GPC5: variants seen among roughly 807,000 people sequenced by gnomAD.
GPC5 encodes glypican 5, also known as glypican-5.
In GPC5, 47 loss-of-function variants were observed where a neutral mutation model predicts 53.9. The observed-to-expected ratio is 0.87, with a 90% CI of 0.69 to 1.11. The LOEUF (loss-of-function observed/expected upper bound fraction) is 1.11, where lower values mean the gene tolerates loss of function less well. GPC5 is among the 50% of genes most tolerant of loss of function. GPC5 has a pLI of 0.00. For missense variants in GPC5, 748 were observed against 713.1 expected (o/e 1.05, Z -0.56); for synonymous variants, 286 against 263.3 (o/e 1.09, Z -0.84).
chr13:92,696,608 G>A (rs1416217080), intron 7 of GPC5, among the ~76,000 whole-genome samples: 1 of 152,126 alleles, frequency 6.6e-6, no homozygotes, highest in Non-Finnish European at 1.5e-5. Flanking sequence ...CCCTTTGTCA[G>A]TTGGATAGAT....
chr13:91,856,910 A>G (rs899338422), intron 5 of GPC5, among the ~76,000 whole-genome samples: 5 of 150,792 alleles, frequency 3.3e-5, no homozygotes, highest in Non-Finnish European at 7.4e-5. Flanking sequence ...ACCTAAATTT[A>G]TTGTATACCT....
intron 7 of GPC5, among the ~76,000 whole-genome samples, chr13:92,829,961 C>T (rs980530787): frequency 6.6e-6 from 1 of 152,034 alleles, no homozygotes; most frequent in African/African-American, 2.4e-5. Flanking sequence ...TTGCAAGTTA[C>T]CATTTTTGGG....
intron 2 of GPC5, among the ~76,000 whole-genome samples, chr13:91,671,397 A>G (rs2035239334): frequency 6.6e-6 from 1 of 152,090 alleles, no homozygotes; most frequent in South Asian, 2.1e-4. Context: ...GGTGTAAAGG[A>G]ATGCTTGTGA....
At chr13:92,090,917 A>C (rs562068603) in intron 6 of GPC5, among the ~76,000 whole-genome samples, 16 of 152,202 alleles carry the variant, frequency 1.1e-4, no homozygotes, top group Non-Finnish European at 1.8e-4. Context: ...TAGTGTTCTT[A>C]TAGGAAAAGA....
At chr13:92,281,177 C>G (rs2042912543) in intron 7 of GPC5, among the ~76,000 whole-genome samples, 1 of 152,176 alleles carries the variant, frequency 6.6e-6, no homozygotes, top group Non-Finnish European at 1.5e-5. Flanking sequence ...GATGGAACTA[C>G]AAGGCGTCAG....
chr13:91,980,287 C>T (rs2040345403), intron 6 of GPC5, among the ~76,000 whole-genome samples: 1 of 152,140 alleles, frequency 6.6e-6, no homozygotes, highest in Admixed American at 6.5e-5. Context: ...CTGGAAAAGA[C>T]ACATGACATC....
At chr13:91,959,572 C>T (rs2040107696) in intron 6 of GPC5, among the ~76,000 whole-genome samples, 1 of 151,988 alleles carries the variant, frequency 6.6e-6, no homozygotes, top group African/African-American at 2.4e-5. Context: ...GATACCAAAA[C>T]CAGCTTAGGA....
At position 91,572,048 on chromosome 13, in the gene GPC5, CATAT is replaced by C. The variant is rs779693400; in HGVS notation, c.326-121138_326-121135del. ...GTGTGTATATATGTGTATATACACA[CATAT>C]GTATATATACATGTATATACACACA... On this transcript the variant is annotated intron_variant, in intron 2 of 7. Coordinates refer to ENST00000377067, the MANE Select transcript of GPC5 (RefSeq NM_004466.6). Among the ~76,000 whole-genome samples, 14 of 118,670 alleles carry C rather than the reference CATAT, an allele frequency of 1.2e-4. No individual in the cohort carries two copies. In the East Asian group the frequency reaches 1.4e-3, roughly 12 times the overall value. The allele number at this position is 118,670 out of a possible 152,430, so 77.9% of individuals were successfully genotyped here. A position where few individuals can be genotyped will look rare whatever the true frequency, so the allele number is the denominator to read the frequency against.
intron 7 of GPC5, among the ~76,000 whole-genome samples, chr13:92,536,121 T>A (rs1288896276): frequency 6.6e-6 from 1 of 152,142 alleles, no homozygotes; most frequent in Non-Finnish European, 1.5e-5. Context: ...ATGTTCAAGG[T>A]TATTTAATGT....
At chr13:92,398,217 C>T (rs1178578997) in intron 7 of GPC5, among the ~76,000 whole-genome samples, 1 of 151,588 alleles carries the variant, frequency 6.6e-6, no homozygotes, top group African/African-American at 2.4e-5. Context: ...ATCACGAGGT[C>T]AGGAGATCGA....
At chr13:91,437,699 T>C (rs1880091840) in intron 1 of GPC5, among the ~76,000 whole-genome samples, 10 of 152,214 alleles carry the variant, frequency 6.6e-5, no homozygotes, top group Admixed American at 6.5e-4. Context: ...AATTTGAATG[T>C]TGGCCTGCAT....
chr13:91,485,437 C>T (rs971755189), intron 2 of GPC5, among the ~76,000 whole-genome samples: 26 of 152,084 alleles, frequency 1.7e-4, no homozygotes, highest in African/African-American at 5.8e-4. Context: ...AGGCTGGTCT[C>T]GAACTCCTGA....
intron 1 of GPC5, among the ~76,000 whole-genome samples, chr13:91,401,307 C>A (rs895881713): frequency 1.5e-4 from 23 of 150,654 alleles, no homozygotes; most frequent in Non-Finnish European, 2.8e-4. Context: ...AAAAAAAAAA[C>A]CCCTCAATCC....
chr13:92,245,030 T>A lies in GPC5; in HGVS notation c.1561+100041T>A, dbSNP rs562823995. 1.7e-3 allele frequency among the ~76,000 whole-genome samples: 183 copies of A among 105,804 alleles called. 2 individuals carry two copies. Among genetic ancestry groups the A allele is most frequent in the African/African-American group, 8.0e-3 (178 of 22,230 alleles). The allele number at this position is 105,804 out of a possible 152,430, so 69.4% of individuals were successfully genotyped here. The stretch of plus-strand genomic sequence containing the variant: ...TCCAGTCCTGGTGACAAAGCGAGAC[T>A]CCATCTGAAAAAAAAAAAAAAAAAC... On this transcript the variant is annotated intron_variant, in intron 7 of 7. Coordinates refer to ENST00000377067, the MANE Select transcript of GPC5 (RefSeq NM_004466.6).
chr13:91,733,661 T>C (rs1452868803), intron 4 of GPC5, among the ~76,000 whole-genome samples: 1 of 152,198 alleles, frequency 6.6e-6, no homozygotes, highest in Non-Finnish European at 1.5e-5. Context: ...ATGCTTGTGA[T>C]TTTTGCACAA....
intron 4 of GPC5, among the ~76,000 whole-genome samples, chr13:91,743,003 A>G (rs2036969254): frequency 6.6e-6 from 1 of 152,192 alleles, no homozygotes. Context: ...CCGAAGAGCT[A>G]GAAGCTTTTA....
chr13:92,734,827 C>T (rs930370123), intron 7 of GPC5, among the ~76,000 whole-genome samples: 1 of 151,906 alleles, frequency 6.6e-6, no homozygotes, highest in African/African-American at 2.4e-5. Context: ...TCGATTCCAA[C>T]ACAAATACTT....
chr13:92,805,595 C>T (rs1877066300), intron 7 of GPC5, among the ~76,000 whole-genome samples: 1 of 151,934 alleles, frequency 6.6e-6, no homozygotes, highest in Non-Finnish European at 1.5e-5. Context: ...CACCACCATG[C>T]CTGACTAAAT....
intron 7 of GPC5, among the ~76,000 whole-genome samples, chr13:92,373,729 C>G (rs772040127): frequency 6.6e-6 from 1 of 152,110 alleles, no homozygotes; most frequent in Non-Finnish European, 1.5e-5. Flanking sequence ...GTATACATCA[C>G]AACATCCATT....
Sources: allele counts gnomAD v4.1 joint callset (sites outside exome capture counted in the v4.1 genomes callset), GRCh38; gene constraint gnomAD v4.1.1; transcripts MANE v1.5; gene names NCBI Gene and HGNC (gene_info 2026-07-23, HGNC 2026-07-21).